The following NUP210L variants were observed in gnomAD, a reference collection of about 807,000 sequenced individuals.
NUP210L encodes nuclear pore membrane glycoprotein 210-like.
A neutral mutation model predicts 208.5 loss-of-function variants in NUP210L; 74 were observed. The observed-to-expected ratio is 0.35, with a 90% CI of 0.29 to 0.43. NUP210L has a LOEUF of 0.43. Ranked by LOEUF, NUP210L falls within the 20% of genes least tolerant of loss-of-function variation. The pLI is 1.00. For missense variants in NUP210L, 1,843 were observed against 2,289.4 expected (o/e 0.81, Z 3.98); for synonymous variants, 780 against 816.9 (o/e 0.95, Z 0.77).
intron 15 of NUP210L, among the ~76,000 whole-genome samples, chr1:154,092,169 G>A (rs185751286): frequency 1.2e-3 from 179 of 149,876 alleles, no homozygotes; most frequent in African/African-American, 4.2e-3. Context: ...TCCGCCTTCC[G>A]GATTCACGCC....
intron 25 of NUP210L, among the ~76,000 whole-genome samples, chr1:154,049,079 A>G (rs996282980): frequency 6.6e-6 from 1 of 152,206 alleles, no homozygotes; most frequent in African/African-American, 2.4e-5. Flanking sequence ...TGGTAGATAC[A>G]GGAGTGGACA....
chr1:154,078,368 G>C (rs1655149845), intron 16 of NUP210L, among the ~76,000 whole-genome samples: 1 of 152,040 alleles, frequency 6.6e-6, no homozygotes, highest in Non-Finnish European at 1.5e-5. Context: ...GCCGAGGTGG[G>C]TGGATCATTT....
rs1557946692 is a variant in NUP210L at position 154,058,219 on chromosome 1, AGT to A, written c.2980-5_2980-4del. 37 of 1,613,456 alleles carry A rather than the reference AGT, an allele frequency of 2.3e-5. No individual in the cohort carries two copies. The highest frequency in any genetic ancestry group is 3.1e-5 in the Non-Finnish European group (36 of 1,179,824). Reference sequence around the variant, plus strand: ...AACACAGTTTTGTCTATTTCAACCTAGTAGTTAAAAAGAAAAAGATTTTAGCA... The same window carrying A: ...AACACAGTTTTGTCTATTTCAACCTAAGTTAAAAAGAAAAAGATTTTAGCA... On this transcript the variant is annotated splice_polypyrimidine_tract_variant and splice_region_variant and intron_variant, in intron 21 of 39. Transcript: ENST00000368559.
intron 35 of NUP210L, among the ~76,000 whole-genome samples, chr1:154,008,328 C>G (rs1650690869): frequency 6.6e-6 from 1 of 151,980 alleles, no homozygotes; most frequent in Non-Finnish European, 1.5e-5. Context: ...CGAGGTGGAT[C>G]ACTTGAGGCT....
At chr1:154,068,181 C>T (rs1315008939) in intron 17 of NUP210L, among the ~76,000 whole-genome samples, 1 of 152,138 alleles carries the variant, frequency 6.6e-6, no homozygotes, top group African/African-American at 2.4e-5. Context: ...TGACTTCCAA[C>T]TATATTACAA....
intron 12 of NUP210L, among the ~76,000 whole-genome samples, chr1:154,115,628 A>G (rs1657280588): frequency 6.6e-6 from 1 of 152,188 alleles, no homozygotes. Context: ...GGCTTTAAAT[A>G]TCTCACATAT....
intron 12 of NUP210L, among the ~76,000 whole-genome samples, chr1:154,106,027 G>A (rs553750177): frequency 1.3e-5 from 2 of 152,208 alleles, no homozygotes; most frequent in African/African-American, 4.8e-5. Flanking sequence ...TTGGGAGGCC[G>A]AGATGGGTGG....
At chr1:154,071,183 A>G (rs1654705231) in intron 16 of NUP210L, among the ~76,000 whole-genome samples, 1 of 151,218 alleles carries the variant, frequency 6.6e-6, no homozygotes, top group African/African-American at 2.4e-5. Context: ...TACAGCCTCA[A>G]CCTTCCAGGC....
At chr1:154,069,081 A>T (rs1654569508) in intron 17 of NUP210L, among the ~76,000 whole-genome samples, 1 of 152,162 alleles carries the variant, frequency 6.6e-6, no homozygotes, top group East Asian at 1.9e-4. Context: ...TAGACCTAAA[A>T]CCATAAAAAC....
intron 36 of NUP210L, among the ~76,000 whole-genome samples, chr1:154,001,488 G>A (rs571273934): frequency 6.6e-6 from 1 of 152,204 alleles, no homozygotes; most frequent in South Asian, 2.1e-4. Flanking sequence ...GAGCCACCGC[G>A]CTCGGCCAAT....
At chr1:154,002,515 C>T (rs1490974473) in intron 35 of NUP210L, among the ~76,000 whole-genome samples, 1 of 151,980 alleles carries the variant, frequency 6.6e-6, no homozygotes, top group Non-Finnish European at 1.5e-5. Flanking sequence ...TACCTGTAAT[C>T]CCAGCTACTT....
At chr1:154,082,614 G>A (rs146077335) in intron 16 of NUP210L, among the ~76,000 whole-genome samples, 177 of 152,180 alleles carry the variant, frequency 1.2e-3, no homozygotes, top group African/African-American at 4.1e-3. Context: ...ATAATAAACT[G>A]GTAAACATAA....
intron 35 of NUP210L, among the ~76,000 whole-genome samples, chr1:154,004,700 G>C (rs1650408758): frequency 6.6e-6 from 1 of 152,010 alleles, no homozygotes; most frequent in Non-Finnish European, 1.5e-5. Flanking sequence ...AGGCTGTAGT[G>C]CAGTGGTGTG....
chr1:154,071,184 C>A (rs1451000959), intron 16 of NUP210L, among the ~76,000 whole-genome samples: 3 of 151,650 alleles, frequency 2.0e-5, no homozygotes, highest in Admixed American at 6.6e-5. Context: ...ACAGCCTCAA[C>A]CTTCCAGGCT....
intron 7 of NUP210L, among the ~76,000 whole-genome samples, chr1:154,134,710 C>T (rs536643949): frequency 7.3e-4 from 84 of 114,710 alleles, no homozygotes; most frequent in South Asian, 3.8e-3. Flanking sequence ...GCACTCCGGC[C>T]TGGGCGACAG....
At chr1:154,100,712 G>T (rs2148063264) in intron 13 of NUP210L, among the ~76,000 whole-genome samples, 2 of 150,906 alleles carry the variant, frequency 1.3e-5, no homozygotes, top group South Asian at 4.2e-4. Context: ...TAGAGACAGG[G>T]TTTCACTGTA....
intron 27 of NUP210L, among the ~76,000 whole-genome samples, chr1:154,045,778 TCAAGAA>T (rs1294320449): frequency 6.6e-6 from 1 of 151,974 alleles, no homozygotes. Flanking sequence ...GCTCAGGAGC[TCAAGAA>T]CAGCCTGGGC....
At chr1:154,142,790 G>A (rs756175556) in intron 3 of NUP210L, among the ~76,000 whole-genome samples, 1 of 152,070 alleles carries the variant, frequency 6.6e-6, no homozygotes, top group Non-Finnish European at 1.5e-5. Flanking sequence ...TTGGGAGGCT[G>A]AGGCACAAGA....
intron 35 of NUP210L, among the ~76,000 whole-genome samples, chr1:154,004,160 C>G (rs1199260014): frequency 1.3e-5 from 2 of 151,442 alleles, no homozygotes; most frequent in Non-Finnish European, 2.9e-5. Flanking sequence ...ACTCCGCCTC[C>G]TGGGTTCACG....
Sources: gnomAD v4.1 joint callset for allele counts (sites outside exome capture counted in the v4.1 genomes callset) on GRCh38, gnomAD v4.1.1 for gene constraint, MANE v1.5 for transcripts, NCBI Gene and HGNC (gene_info 2026-07-23, HGNC 2026-07-21) for gene names.